CD84: variants seen among roughly 807,000 people sequenced by gnomAD.
The protein encoded by CD84 is SLAM family member 5.
In CD84, 22 loss-of-function variants were observed where a neutral mutation model predicts 33.8. The ratio of observed to expected loss-of-function variants is 0.65; its 90% CI spans 0.46 to 0.93. CD84 has a LOEUF of 0.93. Ranked by LOEUF, CD84 falls within the 40% of genes least tolerant of loss-of-function variation. CD84 has a pLI of 0.00. For synonymous variants in CD84, 154 were observed against 145.2 expected (o/e 1.06, Z -0.44); for missense variants, 400 against 397.6 (o/e 1.01, Z -0.05).
intron 1 of CD84, among the ~76,000 whole-genome samples, chr1:160,576,770 T>C (rs957383726): frequency 2.6e-5 from 4 of 152,178 alleles, no homozygotes; most frequent in Non-Finnish European, 5.9e-5. Context: ...ATAAACCGTA[T>C]CTATCTCATA....
chr1:160,555,566 A>G (rs1656555913), intron 2 of CD84, among the ~76,000 whole-genome samples: 1 of 152,244 alleles, frequency 6.6e-6, no homozygotes, highest in Non-Finnish European at 1.5e-5. Context: ...CTAAAGAACA[A>G]TAATAATTCA....
rs761402478 is a variant in CD84 at position 160,565,689 on chromosome 1, C to T, written c.103G>A (p.Glu35Lys). 6.2e-7 allele frequency: 1 copy of T among 1,613,554 alleles called. No individual in the cohort carries two copies. The highest frequency in any genetic ancestry group is 8.5e-7 in the Non-Finnish European group (1 of 1,179,734). The change falls in exon 2 of 7, where the codon GAG (glutamate) becomes AAG (lysine). Residue 35 changes from glutamate (E) to lysine (K), a missense_variant. Coordinates refer to ENST00000368054, the MANE Select transcript of CD84 (RefSeq NM_003874.4). Reference protein sequence around the residue: ...EIFTVNGILGESVTFPVNIQE... With the variant: ...EIFTVNGILGKSVTFPVNIQE... ...ATATTTACAGGGAAAGTGACTGACTCTCCCAGAATCCCATTCACTGTGAAG... is the reference window on the plus strand; with the variant it reads ...ATATTTACAGGGAAAGTGACTGACTTTCCCAGAATCCCATTCACTGTGAAG...
chr1:160,579,302 G>T (rs944784762), intron 1 of CD84, 90 bp downstream of exon 1: 2 of 1,580,328 alleles, frequency 1.3e-6, no homozygotes, highest in Non-Finnish European at 1.7e-6. Context: ...GCTAAACACA[G>T]ATCAAAAAGA....
intron 1 of CD84, among the ~76,000 whole-genome samples, chr1:160,569,907 G>A (rs1657584649): frequency 6.6e-6 from 1 of 152,174 alleles, no homozygotes; most frequent in Non-Finnish European, 1.5e-5. Flanking sequence ...CCTTGAGTTT[G>A]AGGTCTCCAT....
intron 1 of CD84, among the ~76,000 whole-genome samples, chr1:160,572,767 G>A (rs971244532): frequency 2.6e-5 from 4 of 152,148 alleles, no homozygotes; most frequent in Non-Finnish European, 5.9e-5. Flanking sequence ...TAGGAGAAAG[G>A]CCATACCTCT....
chr1:160,576,094 C>T (rs945264889), intron 1 of CD84, among the ~76,000 whole-genome samples: 1 of 152,152 alleles, frequency 6.6e-6, no homozygotes, highest in Non-Finnish European at 1.5e-5. Flanking sequence ...AATACAGAGG[C>T]CTTGTCCTTA....
At position 160,546,251 on chromosome 1, in the gene CD84, G is replaced by C. The variant is rs572458463; in HGVS notation, c.*2005C>G. Reference sequence around the variant, plus strand: ...GATCCGCCTGCCTTGGCCTCCCAAAGTGTTGGGATTACAGGCGTGAGCCAC... The same window carrying C: ...GATCCGCCTGCCTTGGCCTCCCAAACTGTTGGGATTACAGGCGTGAGCCAC... On this transcript the variant is annotated 3_prime_UTR_variant, in exon 7 of 7. Transcript: ENST00000368054. 6 of 152,392 alleles carry C rather than the reference G, an allele frequency of 3.9e-5. No individual in the cohort carries two copies. Among genetic ancestry groups the C allele is most frequent in the Admixed American group, 2.6e-4 (4 of 15,312 alleles). 9.4% of individuals were successfully genotyped at this position (152,392 alleles called of 1,614,324 possible). A position where few individuals can be genotyped will look rare whatever the true frequency, so the allele number is the denominator to read the frequency against.
intron 2 of CD84, among the ~76,000 whole-genome samples, chr1:160,563,070 T>C (rs777074856): frequency 2.0e-5 from 3 of 152,100 alleles, no homozygotes; most frequent in Non-Finnish European, 2.9e-5. Context: ...GAATGGCAAT[T>C]ATTAATAAAG....
chr1:160,579,429 C>G lies in CD84; in HGVS notation c.9G>C (p.Gln3His). 6.2e-7 allele frequency: 1 copy of G among 1,613,220 alleles called. No homozygotes were observed. The highest frequency in any genetic ancestry group is 8.5e-7 in the Non-Finnish European group (1 of 1,179,420). MA[Q>H]HHLWILLLCL... ...AAAGGAGCAAGATCCATAGGTGGTG[C>G]TGAGCCATCTCTTTCAGGGTCTAAC... The change falls in exon 1 of 7, where the codon CAG becomes CAC. Residue 3 changes from glutamine (Q) to histidine (H), a missense_variant. Physicochemically the swap from Gln to His is conservative, Grantham distance 24 (BLOSUM62 0). Coordinates refer to ENST00000368054, the MANE Select transcript of CD84 (RefSeq NM_003874.4).
chr1:160,579,277 GA>G (rs1658152879), intron 1 of CD84, 114 bp downstream of exon 1: 1 of 1,430,316 alleles, frequency 7.0e-7, no homozygotes, highest in Admixed American at 1.9e-5. Context: ...TAGATACTGA[GA>G]CCCAGGGTGT....
rs769836933 is a variant in CD84, at chr1:160,550,971, C to T, written c.825G>A (p.Glu275=). 2.7e-5 allele frequency: 44 copies of T among 1,613,992 alleles called. No individual in the cohort carries two copies. Among genetic ancestry groups the T allele is most frequent in the Non-Finnish European group, 3.6e-5 (42 of 1,179,994 alleles). The change falls in exon 5 of 7, where the codon GAG becomes GAA. Residue 275 remains glutamate, a synonymous_variant. Coordinates refer to ENST00000368054, the MANE Select transcript of CD84 (RefSeq NM_003874.4). ...GCAGGATTTCATCATAGATTCTGGACTCTGCTGGCTGGGTGTTCCTTGAAG... is the reference window on the plus strand; with the variant it reads ...GCAGGATTTCATCATAGATTCTGGATTCTGCTGGCTGGGTGTTCCTTGAAG... ...IMASRNTQPA[E]SRIYDEILQS...
chr1:160,549,579 A>G (rs1351855331), intron 6 of CD84, among the ~76,000 whole-genome samples: 1 of 152,152 alleles, frequency 6.6e-6, no homozygotes, highest in African/African-American at 2.4e-5. Context: ...GCTCAGAGGG[A>G]AGCACCTGTT....
In CD84 at chr1:160,547,337, A is replaced by T; in HGVS notation, c.*919T>A. On this transcript the variant is annotated 3_prime_UTR_variant, in exon 7 of 7. Coordinates refer to ENST00000368054, the MANE Select transcript of CD84 (RefSeq NM_003874.4). ...GAAGTGTGAGAAATATAAGCTGGTCAGTTCCTTTTGGAGAGTGGGAATACT... is the reference window on the plus strand; with the variant it reads ...GAAGTGTGAGAAATATAAGCTGGTCTGTTCCTTTTGGAGAGTGGGAATACT... 2.5e-6 allele frequency: 1 copy of T among 396,444 alleles called. No individual in the cohort carries two copies. 24.6% of individuals were successfully genotyped at this position (396,444 alleles called of 1,614,324 possible).
intron 2 of CD84, among the ~76,000 whole-genome samples, chr1:160,560,068 C>T (rs1346507365): frequency 6.6e-6 from 1 of 152,094 alleles, no homozygotes; most frequent in Non-Finnish European, 1.5e-5. Flanking sequence ...ACCCTACTTA[C>T]CATATTAGAC....
chr1:160,549,896 A>G (rs772956185), intron 6 of CD84, 21 bp downstream of exon 6: 1 of 1,586,334 alleles, frequency 6.3e-7, no homozygotes, highest in Non-Finnish European at 8.7e-7. Context: ...AAGCAAGGAT[A>G]AAAAGCCAGA....
intron 1 of CD84, among the ~76,000 whole-genome samples, chr1:160,576,997 G>A (rs1386474730): frequency 6.6e-6 from 1 of 152,058 alleles, no homozygotes; most frequent in African/African-American, 2.4e-5. Context: ...TAAAACTGGT[G>A]GACTCCTTCA....
rs1342174541 is a variant in CD84, at chr1:160,579,456, T to G, written c.-19A>C. On this transcript the variant is annotated 5_prime_UTR_variant, in exon 1 of 7. Transcript: ENST00000368054. ...GAGCCATCTCTTTCAGGGTCTAACC[T>G]TCTGTGGAAAAGCACGGCACTGTTC... 1.2e-6 allele frequency: 2 copies of G among 1,612,652 alleles called. No individual in the cohort carries two copies. Among genetic ancestry groups the G allele is most frequent in the Admixed American group, 1.7e-5 (1 of 59,824 alleles).
At chr1:160,563,196 C>T (rs765890693) in intron 2 of CD84, among the ~76,000 whole-genome samples, 1 of 152,164 alleles carries the variant, frequency 6.6e-6, no homozygotes, top group Non-Finnish European at 1.5e-5. Context: ...GGCCATTCCT[C>T]AGAAACCTAG....
At chr1:160,553,679 G>A in intron 3 of CD84, 182 bp from the exon 4 acceptor site, 2 of 948,638 alleles carry the variant, frequency 2.1e-6, no homozygotes, top group South Asian at 1.7e-5. Context: ...TCAGAGAGTT[G>A]ATCAGGGGCT....
Sources: allele counts gnomAD v4.1 joint callset (sites outside exome capture counted in the v4.1 genomes callset), GRCh38; gene constraint gnomAD v4.1.1; transcripts MANE v1.5; gene names NCBI Gene and HGNC (gene_info 2026-07-23, HGNC 2026-07-21).